CPSF1: variants seen among roughly 807,000 people sequenced by gnomAD.
The protein encoded by CPSF1 is cleavage and polyadenylation specificity factor subunit 1.
In CPSF1, 106 loss-of-function variants were observed where a neutral mutation model predicts 175.8. That is an observed-to-expected ratio of 0.60 (90% confidence interval 0.52 to 0.71). The LOEUF is 0.71. Among genes scored for constraint, CPSF1 ranks in the 30% least tolerant of loss-of-function variants. The pLI is 0.00. For missense variants in CPSF1, 1,734 were observed against 2,022.9 expected (o/e 0.86, Z 2.74); for synonymous variants, 1,024 against 858.3 (o/e 1.19, Z -3.37).
At position 144,395,878 on chromosome 8, in the gene CPSF1, C is replaced by T. The variant is rs1217764778; in HGVS notation, c.2980-327G>A. ...GAAAACCAGGCAGAGGGAGCCAGGG[C>T]TGCCCTCTTTCATGGACAGTCCTGA... is the stretch of plus-strand genomic sequence containing the variant. On this transcript the variant is annotated intron_variant, in intron 26 of 37. Coordinates refer to ENST00000616140, the MANE Select transcript of CPSF1 (RefSeq NM_013291.3). 12 of 484,326 alleles carry T rather than the reference C, an allele frequency of 2.5e-5. No homozygotes were observed. In the Admixed American group the frequency reaches 3.8e-4, roughly 15 times the overall value. The allele number at this position is 484,326 out of a possible 1,614,324, so 30.0% of individuals were successfully genotyped here.
intron 2 of CPSF1, among the ~76,000 whole-genome samples, chr8:144,404,364 A>G (rs2116897809): frequency 5.0e-4 from 76 of 152,150 alleles, no homozygotes; most frequent in African/African-American, 1.7e-3. Flanking sequence ...GTAACCACTC[A>G]GAAGAATTTT....
chr8:144,398,901 GGT>G, intron 16 of CPSF1, 33 bp from the exon 17 acceptor site: 2 of 1,609,918 alleles, frequency 1.2e-6, no homozygotes, highest in Non-Finnish European at 1.7e-6. Flanking sequence ...GTGTGATGGG[GGT>G]GTGAGCCCAC....
chr8:144,402,361 G>GC (rs2116890814), intron 2 of CPSF1, among the ~76,000 whole-genome samples: 9 of 152,094 alleles, frequency 5.9e-5, no homozygotes, highest in Non-Finnish European at 1.2e-4. Context: ...AGGCTGAAGT[G>GC]CAGTGGCGTG....
Position 144,399,045 on chromosome 8 carries a change from A to G in CPSF1, c.1468-7T>C, listed in dbSNP as rs2116857423. Reference sequence around the variant, plus strand: ...GCTCGGGGCTGTTCTGAAACTGCACAGGACTCGGGGGTGAGGACTATGCCC... The same window carrying G: ...GCTCGGGGCTGTTCTGAAACTGCACGGGACTCGGGGGTGAGGACTATGCCC... On this transcript the variant is annotated splice_region_variant and splice_polypyrimidine_tract_variant and intron_variant, in intron 15 of 37. Transcript: ENST00000616140. The surrounding 1 kb of genome is among the most constrained non-coding windows in gnomAD (Gnocchi z 6.4). The G allele has an allele frequency of 8.8e-6, 14 of 1,582,470 alleles. No individual in the cohort carries two copies. The highest frequency in any genetic ancestry group is 1.1e-5 in the South Asian group (1 of 88,120).
chr8:144,395,772 G>A, intron 26 of CPSF1: 2 of 592,940 alleles, frequency 3.4e-6, no homozygotes, highest in Admixed American at 6.0e-5. Context: ...TAGGGGTGCT[G>A]GCCACAGGGG....
intron 36 of CPSF1, 25 bp downstream of exon 36, chr8:144,393,642 G>A (rs1390870541): frequency 6.3e-7 from 1 of 1,576,566 alleles, no homozygotes; most frequent in Non-Finnish European, 8.6e-7. Context: ...AGGGGGTGCT[G>A]CACGGGGGCG....
chr8:144,401,187 GC>G (rs2116882367), intron 5 of CPSF1, 23 bp downstream of exon 5: 1 of 1,548,058 alleles, frequency 6.5e-7, no homozygotes, highest in South Asian at 1.2e-5. Context: ...CGGGGCCTGG[GC>G]GGGGGCGGGA....
intron 27 of CPSF1, 34 bp from the exon 28 acceptor site, chr8:144,395,389 CG>C (rs1564685996): frequency 6.2e-7 from 1 of 1,611,488 alleles, no homozygotes; most frequent in Admixed American, 1.7e-5. Context: ...ACCAGTGGCC[CG>C]GCCAGGCCCA....
In CPSF1 at chr8:144,400,148, C is replaced by CCCA. The variant is rs1821099007; in HGVS notation, c.937+17_937+18insTGG. On this transcript the variant is annotated intron_variant, in intron 9 of 37. Transcript: ENST00000616140. ...AGCCGTCCCCGGGCCCCCCCCGCCC[C>CCCA]AGCCACCCCACACTCACGAAGCGGG... is the stretch of plus-strand genomic sequence containing the variant. 5.0e-6 allele frequency: 7 copies of CCCA among 1,390,234 alleles called. No individual in the cohort carries two copies. The highest frequency in any genetic ancestry group is 2.1e-5 in the Admixed American group (1 of 46,892). 86.1% of individuals were successfully genotyped at this position (1,390,234 alleles called of 1,614,324 possible).
rs2272661 is a variant in CPSF1, at chr8:144,393,647, G to C, written c.4145+20C>G. 965,442 of 1,573,692 alleles carry C rather than the reference G, an allele frequency of 0.61. 301,232 individuals are homozygous for C. Among genetic ancestry groups the C allele is most frequent in the Middle Eastern group, 0.69 (4,030 of 5,836 alleles). Reference sequence around the variant, plus strand: ...GCTGGGGTGGAGGGGGTGCTGCACGGGGGCGGGGCCGGGGCTCACCGGAAG... The same window carrying C: ...GCTGGGGTGGAGGGGGTGCTGCACGCGGGCGGGGCCGGGGCTCACCGGAAG... On this transcript the variant is annotated intron_variant, in intron 36 of 37. Coordinates refer to ENST00000616140, the MANE Select transcript of CPSF1 (RefSeq NM_013291.3).
At chr8:144,400,135 G>GGGGGCCCCCCCCCCCCCCCCCC in intron 9 of CPSF1, 31 bp downstream of exon 9, 32 of 895,940 alleles carry the variant, frequency 3.6e-5, no homozygotes, top group Non-Finnish European at 4.7e-5. Context: ...CCGTCCCCGG[G>GGGGGCCCCCCCCCCCCCCCCCC]CCCCCCCCGC....
chr8:144,399,924 G>A lies in CPSF1; in HGVS notation c.1032-56C>T, dbSNP rs10091820. 3.2e-6 allele frequency: 5 copies of A among 1,556,220 alleles called. No individual in the cohort carries two copies. The highest frequency in any genetic ancestry group is 1.9e-5 in the Admixed American group (1 of 53,844). On this transcript the variant is annotated intron_variant, in intron 10 of 37. Transcript: ENST00000616140. The surrounding 1 kb of genome is among the most constrained non-coding windows in gnomAD (Gnocchi z 6.4). The stretch of plus-strand genomic sequence containing the variant: ...TGGGGACCCTGGGGGAGTGAAGGGG[G>A]CCAGGGGACCCTACAGGACTTGTGG...
intron 7 of CPSF1, 70 bp from the exon 8 acceptor site, chr8:144,400,563 C>A: frequency 6.2e-7 from 1 of 1,607,104 alleles, no homozygotes; most frequent in South Asian, 1.1e-5. Flanking sequence ...TCCTCCCGAG[C>A]AAGCCCCACC....
Position 144,401,003 on chromosome 8 carries a change from C to A in CPSF1, c.460G>T (p.Val154Phe), listed in dbSNP as rs2116880401. ...DPDGRCAAML[V>F]YGTRLVVLPF... ...AGGACCACCAGCCGCGTGCCGTAGA[C>A]AAGCATGGCTGCACAGCGCCCGTCG... The change falls in exon 6 of 38, where the codon GTC becomes TTC. Residue 154 changes from valine (V) to phenylalanine (F), a missense_variant. Coordinates refer to ENST00000616140, the MANE Select transcript of CPSF1 (RefSeq NM_013291.3). The A allele has an allele frequency of 5.6e-6, 9 of 1,610,718 alleles. No homozygotes were observed. The highest frequency in any genetic ancestry group is 7.6e-6 in the Non-Finnish European group (9 of 1,178,546).
At position 144,397,279 on chromosome 8, in the gene CPSF1, C is replaced by T. The variant is rs1554864257; in HGVS notation, c.2520G>A (p.Gln840=). 2.6e-6 allele frequency: 4 copies of T among 1,549,546 alleles called. No individual in the cohort carries two copies. The Admixed American group carries it at 5.9e-5, about 23-fold the overall frequency. The change falls in exon 23 of 38, where the codon CAG becomes CAA. Residue 840 remains glutamine, a synonymous_variant. Transcript: ENST00000616140. Reference sequence around the variant, plus strand: ...CCTCCTTGACGAGGGGCAGCTCCCCCTGGCGCGTGGCCTCCTCCCTGCGGG... The same window carrying T: ...CCTCCTTGACGAGGGGCAGCTCCCCTTGGCGCGTGGCCTCCTCCCTGCGGG... ...GEARREEATR[Q]GELPLVKEVL...
At position 144,396,459 on chromosome 8, in the gene CPSF1, G is replaced by C. The variant is rs536436984; in HGVS notation, c.2868C>G (p.Thr956=). The change falls in exon 26 of 38, where the codon ACC becomes ACG. Residue 956 remains threonine (T), a synonymous_variant. Transcript: ENST00000616140. ...CGPSPHWLLV[T]GRGALRLHPM... ...GGTGTAGCCGCAGAGCCCCTCGGCCGGTCACCAAGAGCCAGTGAGGGGAGG... is the reference window on the plus strand; with the variant it reads ...GGTGTAGCCGCAGAGCCCCTCGGCCCGTCACCAAGAGCCAGTGAGGGGAGG... 4.4e-5 allele frequency: 70 copies of C among 1,603,254 alleles called. No individual in the cohort carries two copies. The African/African-American group carries it at 8.4e-4, about 19-fold the overall frequency.
rs558871530 is a variant in CPSF1, at chr8:144,397,088, C to T, written c.2592+119G>A. ...CTGTGAGGGAGATGGGGTGGAGCCA[C>T]GGGAAGGGGCGGGGCCGTGGGGGAG... On this transcript the variant is annotated intron_variant, in intron 23 of 37. Transcript: ENST00000616140. 3.7e-5 allele frequency: 19 copies of T among 510,344 alleles called. No homozygotes were observed. The East Asian group carries it at 5.5e-4, about 15-fold the overall frequency. 31.6% of individuals were successfully genotyped at this position (510,344 alleles called of 1,614,324 possible).
rs781980553 is a variant in CPSF1 at position 144,395,255 on chromosome 8, G to A, written c.3187+10C>T. On this transcript the variant is annotated intron_variant, in intron 28 of 37. Transcript: ENST00000616140. ...GGCTGAGGATGGGAGTATGGTGTGG[G>A]CGTCACCACCTCTCTCGATGGTCTC... The A allele has an allele frequency of 1.9e-6, 3 of 1,612,974 alleles. No homozygotes were observed. The South Asian group carries it at 3.3e-5, about 18-fold the overall frequency.
In CPSF1 at chr8:144,397,458, G is replaced by A. The variant is rs201992198; in HGVS notation, c.2385+29C>T. 4.5e-4 allele frequency: 709 copies of A among 1,590,608 alleles called. 2 individuals are homozygous for A. In the African/African-American group the frequency reaches 7.3e-3, roughly 16 times the overall value. On this transcript the variant is annotated intron_variant, in intron 22 of 37. Transcript: ENST00000616140. ...CAGTGGAGGCAGGTGGGTGGAACCC[G>A]CTGGGCCACAGTGCAGGGCACCACC...
Sources: allele counts gnomAD v4.1 joint callset (sites outside exome capture counted in the v4.1 genomes callset), GRCh38; gene constraint gnomAD v4.1.1; non-coding constraint Gnocchi (gnomAD v3.1); transcripts MANE v1.5; gene names NCBI Gene and HGNC (gene_info 2026-07-23, HGNC 2026-07-21).